The following LIN9 variants were observed in gnomAD, a reference collection of about 807,000 sequenced individuals.
LIN9 encodes the protein lin-9 DREAM MuvB core complex component.
A neutral mutation model predicts 78.0 loss-of-function variants in LIN9; 18 were observed. The observed-to-expected ratio is 0.23, with a 90% CI of 0.16 to 0.34. The LOEUF is 0.34. LIN9 is among the 10% of genes least tolerant of loss of function. The probability of loss-of-function intolerance (pLI) is 1.00; values close to 1 mark genes in which losing one functional copy is unlikely to be tolerated. For missense variants in LIN9, 451 were observed against 644.1 expected, an observed-to-expected ratio of 0.70 and a Z score of 3.25; for synonymous variants, 192 against 215.2, an observed-to-expected ratio of 0.89 and a Z score of 0.94.
At chr1:226,243,485 A>G (rs574005533) in intron 11 of LIN9, among the ~76,000 whole-genome samples, 11 of 152,292 alleles carry the variant, frequency 7.2e-5, no homozygotes, top group African/African-American at 2.6e-4. Context: ...ACTTGAGGTC[A>G]GGAGTTCGAG....
At chr1:226,248,982 A>G (rs1212897323) in intron 11 of LIN9, among the ~76,000 whole-genome samples, 1 of 152,230 alleles carries the variant, frequency 6.6e-6, no homozygotes, top group Non-Finnish European at 1.5e-5. Flanking sequence ...TTCGTTTTAC[A>G]CTGAAGCCTA....
intron 1 of LIN9, 123 bp downstream of exon 1, chr1:226,308,986 C>G: frequency 3.1e-6 from 3 of 979,090 alleles, no homozygotes; most frequent in Admixed American, 3.8e-5. Context: ...ACTAGGGGAC[C>G]ACAGTGGGGC....
chr1:226,236,313 G>A (rs1657703896), intron 12 of LIN9, among the ~76,000 whole-genome samples: 1 of 150,834 alleles, frequency 6.6e-6, no homozygotes, highest in Non-Finnish European at 1.5e-5. Context: ...CAATGCCCCA[G>A]ACCCCCTGAT....
intron 1 of LIN9, among the ~76,000 whole-genome samples, chr1:226,301,543 A>G (rs1662534001): frequency 6.6e-6 from 1 of 152,208 alleles, no homozygotes. Context: ...GCTGGAAGAA[A>G]AGAGAAAGGG....
intron 4 of LIN9, among the ~76,000 whole-genome samples, chr1:226,294,584 C>T (rs1049503355): frequency 6.9e-6 from 1 of 144,804 alleles, no homozygotes; most frequent in African/African-American, 2.6e-5. Context: ...AAAAAAAAAA[C>T]AAAAAAAAAA....
chr1:226,289,744 A>G (rs1288153375), intron 4 of LIN9, among the ~76,000 whole-genome samples: 1 of 149,208 alleles, frequency 6.7e-6, no homozygotes, highest in African/African-American at 2.5e-5. Flanking sequence ...TACTTATACG[A>G]ATTTAGCTTT....
At chr1:226,235,317 C>T (rs1384875166) in intron 12 of LIN9, among the ~76,000 whole-genome samples, 2 of 82,538 alleles carry the variant, frequency 2.4e-5, no homozygotes, top group Non-Finnish European at 4.4e-5. Flanking sequence ...AGCGAAAATC[C>T]GTCTCAAAAA....
Position 226,238,984 on chromosome 1 carries a change from T to C in LIN9, c.1232A>G (p.Gln411Arg), listed in dbSNP as rs1241828266. Reference sequence around the variant, plus strand: ...CATATCACTTACCTCATAGCAATACTGTTGAACTTTATGCAAAACTTTGTT... The same window carrying C: ...CATATCACTTACCTCATAGCAATACCGTTGAACTTTATGCAAAACTTTGTT... Reference protein sequence around the residue: ...DLNKVLHKVQQYCYELAPDQG... With the variant: ...DLNKVLHKVQRYCYELAPDQG... Residue 411 changes from glutamine to arginine, a missense_variant, in exon 12 of 15, where the codon CAG (glutamine) becomes CGG (arginine). Physicochemically the swap from Gln to Arg is conservative, Grantham distance 43 (BLOSUM62 1). Transcript: ENST00000681046. 5 of 1,613,610 alleles carry C rather than the reference T, an allele frequency of 3.1e-6. No homozygotes were observed. The highest frequency in any genetic ancestry group is 1.7e-5 in the Admixed American group (1 of 59,940).
At chr1:226,260,614 T>C in intron 10 of LIN9, among the ~76,000 whole-genome samples, 1 of 144,116 alleles carries the variant, frequency 6.9e-6, no homozygotes, top group South Asian at 2.3e-4. Flanking sequence ...GAATTTAAGA[T>C]CACGGCCAAA....
intron 4 of LIN9, among the ~76,000 whole-genome samples, chr1:226,290,745 A>G (rs1442395670): frequency 1.3e-5 from 2 of 151,992 alleles, no homozygotes; most frequent in Non-Finnish European, 2.9e-5. Context: ...AACCAGTACA[A>G]TTTCTTTCCT....
chr1:226,259,902 A>G (rs1350059188), intron 10 of LIN9, among the ~76,000 whole-genome samples: 1 of 151,530 alleles, frequency 6.6e-6, no homozygotes, highest in Non-Finnish European at 1.5e-5. Flanking sequence ...AAGTAATCAG[A>G]ATAATATAAA....
intron 11 of LIN9, among the ~76,000 whole-genome samples, chr1:226,246,862 G>C (rs1658515398): frequency 6.6e-6 from 1 of 151,214 alleles, no homozygotes; most frequent in South Asian, 2.1e-4. Context: ...CATTGGGGTT[G>C]ATAGGAATTT....
chr1:226,263,919 A>T (rs1389321569), intron 10 of LIN9, among the ~76,000 whole-genome samples: 1 of 152,060 alleles, frequency 6.6e-6, no homozygotes, highest in African/African-American at 2.4e-5. Context: ...AAAACCAATA[A>T]AAAATATATT....
chr1:226,236,900 G>T (rs1030068912), intron 12 of LIN9, among the ~76,000 whole-genome samples: 1 of 152,120 alleles, frequency 6.6e-6, no homozygotes, highest in African/African-American at 2.4e-5. Flanking sequence ...AGTACTGATG[G>T]GTATTTGGGT....
At chr1:226,259,411 G>C (rs899830925) in intron 10 of LIN9, among the ~76,000 whole-genome samples, 1 of 152,084 alleles carries the variant, frequency 6.6e-6, no homozygotes, top group African/African-American at 2.4e-5. Flanking sequence ...CAGAAAATCA[G>C]CAAGGACATA....
At chr1:226,255,590 A>G (rs1453772848) in intron 10 of LIN9, among the ~76,000 whole-genome samples, 3 of 152,212 alleles carry the variant, frequency 2.0e-5, no homozygotes, top group Admixed American at 6.5e-5. Context: ...AAGCATAAAA[A>G]CCAGCCTTAG....
In LIN9 at chr1:226,282,448, A is replaced by G. The variant is rs151148791; in HGVS notation, c.524+3885T>C. ...ATATAAAATTAGTCTCTCACCAGTA[A>G]TATGTATGAGTGACTAACCATGCCA... On this transcript the variant is annotated intron_variant, in intron 6 of 14. Coordinates refer to ENST00000681046, the MANE Select transcript of LIN9 (RefSeq NM_001366245.2). 2.3e-4 allele frequency among the ~76,000 whole-genome samples: 35 copies of G among 152,358 alleles called. No homozygotes were observed. In the East Asian group the frequency reaches 6.7e-3, roughly 29 times the overall value.
chr1:226,243,003 A>G (rs527277950), intron 11 of LIN9, among the ~76,000 whole-genome samples: 1 of 152,338 alleles, frequency 6.6e-6, no homozygotes, highest in East Asian at 1.9e-4. Context: ...GTTATCAGTA[A>G]AGCTCCTGGT....
intron 9 of LIN9, 41 bp downstream of exon 9, chr1:226,266,172 A>G (rs775545337): frequency 2.1e-6 from 3 of 1,396,784 alleles, no homozygotes; most frequent in Non-Finnish European, 1.9e-6. Flanking sequence ...TCACCTTCAT[A>G]AAAATCAATT....
Sources: gnomAD v4.1 joint callset for allele counts (sites outside exome capture counted in the v4.1 genomes callset) on GRCh38, gnomAD v4.1.1 for gene constraint, MANE v1.5 for transcripts, NCBI Gene and HGNC (gene_info 2026-07-23, HGNC 2026-07-21) for gene names.